The following METAP1 variants were observed in gnomAD, a reference collection of about 807,000 sequenced individuals.
The protein encoded by METAP1 is methionyl aminopeptidase 1.
METAP1 carries 28 observed loss-of-function variants against 53.8 expected under a neutral mutation model. The ratio of observed to expected loss-of-function variants is 0.52; its 90% CI spans 0.39 to 0.71. The LOEUF (loss-of-function observed/expected upper bound fraction) is 0.71. Among genes scored for constraint, METAP1 ranks in the 30% least tolerant of loss-of-function variants. The pLI is 0.00. For synonymous variants in METAP1, 181 were observed against 165.7 expected, an observed-to-expected ratio of 1.09 and a Z score of -0.71; for missense variants, 389 against 479.8, an observed-to-expected ratio of 0.81 and a Z score of 1.77.
intron 2 of METAP1, among the ~76,000 whole-genome samples, chr4:99,029,979 G>A (rs891431377): frequency 6.6e-6 from 1 of 152,092 alleles, no homozygotes; most frequent in Admixed American, 6.5e-5. Context: ...GTTTATCAAC[G>A]CATAAAAGAT....
intron 1 of METAP1, among the ~76,000 whole-genome samples, chr4:99,028,340 C>T (rs1261806850): frequency 6.6e-6 from 1 of 152,056 alleles, no homozygotes; most frequent in Non-Finnish European, 1.5e-5. Context: ...CACTGAAACC[C>T]TAGCACATGC....
intron 1 of METAP1, among the ~76,000 whole-genome samples, chr4:99,017,003 TAGG>T (rs1178451805): frequency 2.0e-5 from 3 of 152,190 alleles, no homozygotes; most frequent in Non-Finnish European, 4.4e-5. Flanking sequence ...GAAGAGAAAA[TAGG>T]AGCTAATTTG....
intron 7 of METAP1, among the ~76,000 whole-genome samples, chr4:99,044,310 T>C (rs184568478): frequency 6.6e-6 from 1 of 152,292 alleles, no homozygotes; most frequent in Admixed American, 6.5e-5. Context: ...TGAGGAAGCA[T>C]GAGCCCAAGT....
intron 1 of METAP1, among the ~76,000 whole-genome samples, chr4:99,024,919 A>G (rs181053881): frequency 1.3e-5 from 2 of 152,294 alleles, no homozygotes; most frequent in African/African-American, 4.8e-5. Flanking sequence ...TTTCAGGATG[A>G]AACTGTTCTA....
At chr4:99,058,465 T>C (rs974221474) in intron 10 of METAP1, among the ~76,000 whole-genome samples, 2 of 152,132 alleles carry the variant, frequency 1.3e-5, no homozygotes, top group Non-Finnish European at 2.9e-5. Flanking sequence ...TCCCCACTGT[T>C]GTCATCTCTT....
chr4:99,031,939 C>G (rs1414095107), intron 2 of METAP1, among the ~76,000 whole-genome samples: 1 of 152,114 alleles, frequency 6.6e-6, no homozygotes, highest in Admixed American at 6.5e-5. Flanking sequence ...TATATTTATA[C>G]TGCCCTGTTG....
intron 8 of METAP1, 149 bp from the exon 9 acceptor site, chr4:99,048,583 TG>T: frequency 1.3e-6 from 1 of 781,900 alleles, no homozygotes; most frequent in Non-Finnish European, 2.1e-6. Flanking sequence ...TTGCCCAGGC[TG>T]GTCTTGAACT....
intron 10 of METAP1, 95 bp from the exon 11 acceptor site, chr4:99,061,059 A>C: frequency 7.8e-7 from 1 of 1,279,916 alleles, no homozygotes; most frequent in South Asian, 1.5e-5. Flanking sequence ...CATGTAAATA[A>C]GGATCTTAGT....
At chr4:99,010,929 T>C (rs1723436142) in intron 1 of METAP1, among the ~76,000 whole-genome samples, 1 of 152,202 alleles carries the variant, frequency 6.6e-6, no homozygotes, top group African/African-American at 2.4e-5. Context: ...TGGAAATTTA[T>C]TTTTAAATGG....
At chr4:99,059,269 T>G (rs1421113885) in intron 10 of METAP1, among the ~76,000 whole-genome samples, 1 of 152,034 alleles carries the variant, frequency 6.6e-6, no homozygotes, top group Non-Finnish European at 1.5e-5. Context: ...CAAATAAGTT[T>G]GACTTGACAT....
chr4:99,014,487 T>G (rs1322063055), intron 1 of METAP1, among the ~76,000 whole-genome samples: 1 of 152,210 alleles, frequency 6.6e-6, no homozygotes, highest in Non-Finnish European at 1.5e-5. Context: ...AAATATAGTT[T>G]ATCCAGTCTA....
chr4:99,031,808 G>T (rs1468564295), intron 2 of METAP1: 1 of 379,678 alleles, frequency 2.6e-6, no homozygotes, highest in Non-Finnish European at 5.1e-6. Flanking sequence ...ACTTTTTAAA[G>T]AATAAAGCCT....
At chr4:99,045,533 A>C (rs746603117) in intron 8 of METAP1, among the ~76,000 whole-genome samples, 1 of 152,124 alleles carries the variant, frequency 6.6e-6, no homozygotes, top group African/African-American at 2.4e-5. Flanking sequence ...TCTGTGATTT[A>C]TCTTCCTTTT....
At chr4:99,056,790 C>T (rs537431088) in intron 9 of METAP1, among the ~76,000 whole-genome samples, 7 of 152,062 alleles carry the variant, frequency 4.6e-5, no homozygotes, top group South Asian at 2.1e-4. Flanking sequence ...AGGATGGTCT[C>T]GATCTCCTGA....
intron 4 of METAP1, chr4:99,037,867 T>C (rs1725547595): frequency 6.6e-6 from 1 of 151,974 alleles, no homozygotes. Flanking sequence ...TTTATTGGGA[T>C]AGTATTAAAT....
chr4:99,032,358 G>A (rs920867738), intron 2 of METAP1, among the ~76,000 whole-genome samples: 17 of 151,840 alleles, frequency 1.1e-4, no homozygotes, highest in Admixed American at 1.1e-3. Context: ...TCAGCCTTCC[G>A]AGTAGTTGGG....
At position 99,006,965 on chromosome 4, in the gene METAP1, T is replaced by C. The variant is rs1723205810; in HGVS notation, c.114+11098T>C. 2.6e-5 allele frequency among the ~76,000 whole-genome samples: 4 copies of C among 151,562 alleles called. No homozygotes were observed. The South Asian group carries it at 8.3e-4, about 32-fold the overall frequency. The stretch of plus-strand genomic sequence containing the variant: ...CTGCTGTTAGATTTGTGAAACACTT[T>C]TTTTTTTTTTTTGAGACGGTCTCAT... On this transcript the variant is annotated intron_variant, in intron 1 of 10. Transcript: ENST00000296411.
intron 10 of METAP1, 81 bp downstream of exon 10, chr4:99,057,899 T>C: frequency 8.0e-7 from 1 of 1,248,912 alleles, no homozygotes; most frequent in South Asian, 1.4e-5. Context: ...TGGTCTTTTC[T>C]ACCTGCTTGC....
At chr4:99,049,999 A>G (rs1404152158) in intron 9 of METAP1, among the ~76,000 whole-genome samples, 2 of 152,190 alleles carry the variant, frequency 1.3e-5, no homozygotes, top group Non-Finnish European at 2.9e-5. Flanking sequence ...ACAAACTAGT[A>G]ATTAAATGCC....
Sources: gnomAD v4.1 joint callset for allele counts (sites outside exome capture counted in the v4.1 genomes callset) on GRCh38, gnomAD v4.1.1 for gene constraint, MANE v1.5 for transcripts, NCBI Gene and HGNC (gene_info 2026-07-23, HGNC 2026-07-21) for gene names.